The following PLPP1 variants were observed in gnomAD, a reference collection of about 807,000 sequenced individuals.
PLPP1 encodes the protein phospholipid phosphatase 1.
PLPP1 carries 24 observed loss-of-function variants against 31.2 expected under a neutral mutation model. That is an observed-to-expected ratio of 0.77 (90% CI 0.56 to 1.08). PLPP1 has a LOEUF of 1.08. Among genes scored for constraint, PLPP1 ranks in the 50% least tolerant of loss-of-function variants. The probability of loss-of-function intolerance (pLI) is 0.00; values close to 1 mark genes in which losing one functional copy is unlikely to be tolerated. For synonymous variants in PLPP1, 146 were observed against 126.3 expected, an observed-to-expected ratio of 1.16 and a Z score of -1.05; for missense variants, 319 against 342.7, an observed-to-expected ratio of 0.93 and a Z score of 0.55.
At chr5:55,430,829 C>T (rs1751331842) in intron 4 of PLPP1, among the ~76,000 whole-genome samples, 1 of 151,722 alleles carries the variant, frequency 6.6e-6, no homozygotes, top group South Asian at 2.1e-4. Context: ...AAACAGCAAT[C>T]AGAAAAATAA....
chr5:55,534,630 G>A lies in PLPP1; in HGVS notation c.-1C>T, dbSNP rs1363956771. The A allele has an allele frequency of 3.2e-6, 5 of 1,554,066 alleles. No individual in the cohort carries two copies. In the Admixed American group the frequency reaches 5.7e-5, roughly 18 times the overall value. On this transcript the variant is annotated 5_prime_UTR_variant, in exon 1 of 6. Transcript: ENST00000307259. ...ACGGCAGCCGCGTCTTGTCAAACAT[G>A]GTCTCTGCCCGGGCTGCCCGGCAAG...
intron 1 of PLPP1, among the ~76,000 whole-genome samples, chr5:55,476,735 T>A (rs1037537691): frequency 6.6e-6 from 1 of 152,198 alleles, no homozygotes; most frequent in African/African-American, 2.4e-5. Flanking sequence ...CAGTTCTCAT[T>A]AACTCCACTA....
chr5:55,527,484 T>C (rs938734371), intron 1 of PLPP1, among the ~76,000 whole-genome samples: 5 of 152,200 alleles, frequency 3.3e-5, no homozygotes, highest in Non-Finnish European at 7.3e-5. Context: ...TGGCAGCCCA[T>C]GGGCTCCTGT....
In PLPP1 at chr5:55,425,224, C is replaced by G; in HGVS notation, c.837G>C (p.Pro279=). ...CTGCCTTTCAAGGCTGGTGATTGCT[C>G]GGATAGTGATTCCCAGTTGTTGGTG... The part of the protein sequence containing the change: ...HETPTTGNHY[P]SNHQP The change falls in exon 6 of 6, where the codon CCG becomes CCC. Residue 279 remains proline, a synonymous_variant. Coordinates refer to ENST00000307259, the MANE Select transcript of PLPP1 (RefSeq NM_003711.4). 1.2e-6 allele frequency: 2 copies of G among 1,613,592 alleles called. No homozygotes were observed. The highest frequency in any genetic ancestry group is 1.7e-6 in the Non-Finnish European group (2 of 1,179,838).
intron 1 of PLPP1, among the ~76,000 whole-genome samples, chr5:55,476,245 G>A (rs975757485): frequency 6.6e-6 from 1 of 151,710 alleles, no homozygotes; most frequent in African/African-American, 2.4e-5. Flanking sequence ...TTGAACTCCT[G>A]AGCTCAACTG....
rs990159462 is a variant in PLPP1, at chr5:55,513,253, C to T, written c.58+21319G>A. Among the ~76,000 whole-genome samples, 70 of 132,712 alleles carry T rather than the reference C, an allele frequency of 5.3e-4. 1 individual carries two copies. The highest frequency in any genetic ancestry group is 4.8e-4 in the Admixed American group (6 of 12,516). The allele number at this position is 132,712 out of a possible 152,430, so 87.1% of individuals were successfully genotyped here. ...CAAGTATGTGTTTACTATAGTATTA[C>T]TACTATAATGACTCCTTTTTTTTTA... On this transcript the variant is annotated intron_variant, in intron 1 of 5. Coordinates refer to ENST00000307259, the MANE Select transcript of PLPP1 (RefSeq NM_003711.4).
intron 1 of PLPP1, chr5:55,490,821 G>A (rs1181013318): frequency 4.4e-6 from 4 of 912,636 alleles, no homozygotes; most frequent in Non-Finnish European, 4.7e-6. Context: ...CTAAAACAGT[G>A]GGTATATTCC....
At chr5:55,509,722 G>A (rs1310138767) in intron 1 of PLPP1, among the ~76,000 whole-genome samples, 1 of 152,092 alleles carries the variant, frequency 6.6e-6, no homozygotes, top group Non-Finnish European at 1.5e-5. Context: ...CTTCACTATG[G>A]ACTCTCACAT....
intron 3 of PLPP1, 47 bp from the exon 4 acceptor site, chr5:55,441,955 A>C: frequency 6.4e-7 from 1 of 1,562,938 alleles, no homozygotes; most frequent in African/African-American, 1.4e-5. Flanking sequence ...TTAGGAGCCA[A>C]AAGTATTGTT....
At chr5:55,452,820 G>A (rs1431058852) in intron 3 of PLPP1, among the ~76,000 whole-genome samples, 1 of 152,138 alleles carries the variant, frequency 6.6e-6, no homozygotes, top group Non-Finnish European at 1.5e-5. Flanking sequence ...GGCAGGCTGG[G>A]TAGAATAAGA....
intron 1 of PLPP1, among the ~76,000 whole-genome samples, chr5:55,518,963 C>T (rs1032762618): frequency 6.6e-6 from 1 of 152,082 alleles, no homozygotes; most frequent in Non-Finnish European, 1.5e-5. Flanking sequence ...GTTTTTACTA[C>T]TAGATTACAC....
At chr5:55,532,474 T>C (rs1319829896) in intron 1 of PLPP1, among the ~76,000 whole-genome samples, 1 of 152,218 alleles carries the variant, frequency 6.6e-6, no homozygotes, top group Non-Finnish European at 1.5e-5. Context: ...TATTTTTTTC[T>C]GATCGAACAT....
intron 1 of PLPP1, among the ~76,000 whole-genome samples, chr5:55,482,051 C>T (rs941029175): frequency 1.4e-5 from 2 of 146,658 alleles, no homozygotes; most frequent in Admixed American, 1.4e-4. Context: ...ATATAAGATA[C>T]ATCCAAAGGG....
At chr5:55,465,193 G>A (rs369540761) in intron 3 of PLPP1, among the ~76,000 whole-genome samples, 3 of 151,818 alleles carry the variant, frequency 2.0e-5, no homozygotes, top group Admixed American at 6.6e-5. Flanking sequence ...ACAGGTGTGC[G>A]GCCACCATGC....
chr5:55,501,858 G>A (rs1753153612), intron 1 of PLPP1, among the ~76,000 whole-genome samples: 2 of 152,106 alleles, frequency 1.3e-5, no homozygotes, highest in Non-Finnish European at 2.9e-5. Context: ...TTCCAGACAT[G>A]CTTACAGAGA....
chr5:55,480,832 G>A (rs1019987727), intron 1 of PLPP1, among the ~76,000 whole-genome samples: 3 of 152,152 alleles, frequency 2.0e-5, no homozygotes, highest in Non-Finnish European at 4.4e-5. Context: ...CATATGGTAA[G>A]TTGATGCTTA....
At chr5:55,453,215 T>C (rs984041303) in intron 3 of PLPP1, among the ~76,000 whole-genome samples, 1 of 152,224 alleles carries the variant, frequency 6.6e-6, no homozygotes, top group African/African-American at 2.4e-5. Context: ...AACTTATGTT[T>C]TGACAGTTAT....
At chr5:55,426,646 A>C (rs975140679) in intron 4 of PLPP1, among the ~76,000 whole-genome samples, 1 of 151,622 alleles carries the variant, frequency 6.6e-6, no homozygotes, top group Non-Finnish European at 1.5e-5. Context: ...CGTCTCAAGT[A>C]ACCCGCCTGC....
At chr5:55,511,361 G>A (rs1753402799) in intron 1 of PLPP1, among the ~76,000 whole-genome samples, 1 of 152,154 alleles carries the variant, frequency 6.6e-6, no homozygotes, top group South Asian at 2.1e-4. Flanking sequence ...TGGGGGCAAA[G>A]TGACTTCTAC....
Sources: allele counts gnomAD v4.1 joint callset (sites outside exome capture counted in the v4.1 genomes callset), GRCh38; gene constraint gnomAD v4.1.1; transcripts MANE v1.5; gene names NCBI Gene and HGNC (gene_info 2026-07-23, HGNC 2026-07-21).